DYNC2I1: variants seen among roughly 807,000 people sequenced by gnomAD.
DYNC2I1 encodes the protein cytoplasmic dynein 2 intermediate chain 1.
In DYNC2I1, 89 loss-of-function variants were observed where a neutral mutation model predicts 133.4. The observed-to-expected ratio is 0.67, with a 90% CI of 0.56 to 0.80. The LOEUF (loss-of-function observed/expected upper bound fraction) is 0.80. Ranked by LOEUF, DYNC2I1 falls within the 30% of genes least tolerant of loss-of-function variation. The pLI is 0.00. For missense variants in DYNC2I1, 1,291 were observed against 1,314.5 expected (o/e 0.98, Z 0.28); for synonymous variants, 504 against 484.3 (o/e 1.04, Z -0.54).
At chr7:158,877,525 T>A (rs1254354245) in intron 4 of DYNC2I1, among the ~76,000 whole-genome samples, 1 of 152,236 alleles carries the variant, frequency 6.6e-6, no homozygotes, top group East Asian at 1.9e-4. Flanking sequence ...AAGTTGTAAT[T>A]ATTTATATCA....
intron 14 of DYNC2I1, among the ~76,000 whole-genome samples, chr7:158,915,385 C>T (rs1563161696): frequency 1.3e-4 from 15 of 112,390 alleles, no homozygotes; most frequent in East Asian, 2.4e-4. Context: ...TGTGAAACGT[C>T]GACATGCTGG....
At chr7:158,920,794 T>A (rs1213321652) in intron 15 of DYNC2I1, among the ~76,000 whole-genome samples, 1 of 152,214 alleles carries the variant, frequency 6.6e-6, no homozygotes, top group Non-Finnish European at 1.5e-5. Flanking sequence ...ACCCTGCGAA[T>A]CCAGAATTTG....
chr7:158,916,895 CCT>C lies in DYNC2I1; in HGVS notation c.1792-1843_1792-1842del, dbSNP rs1848398371. On this transcript the variant is annotated intron_variant, in intron 14 of 24. Coordinates refer to ENST00000407559, the MANE Select transcript of DYNC2I1 (RefSeq NM_018051.5). The stretch of plus-strand genomic sequence containing the variant: ...GTTGACATTTAGGATGATTGTGAAA[CCT>C]CGACACGGTGGTTGAGATTAAGGAT... 2.6e-4 allele frequency among the ~76,000 whole-genome samples: 22 copies of C among 84,120 alleles called. No individual in the cohort carries two copies. In the South Asian group the frequency reaches 7.0e-3, roughly 27 times the overall value. 55.2% of individuals were successfully genotyped at this position (84,120 alleles called of 152,430 possible).
intron 16 of DYNC2I1, among the ~76,000 whole-genome samples, chr7:158,923,154 T>C (rs1208688146): frequency 6.6e-6 from 1 of 152,206 alleles, no homozygotes; most frequent in Non-Finnish European, 1.5e-5. Flanking sequence ...TTCCCTGGCC[T>C]CAAACCCATT....
chr7:158,907,515 T>A (rs1017602171), intron 11 of DYNC2I1, among the ~76,000 whole-genome samples: 1 of 152,112 alleles, frequency 6.6e-6, no homozygotes, highest in Non-Finnish European at 1.5e-5. Flanking sequence ...ACTAAGTAGA[T>A]GGGGGTCATT....
intron 23 of DYNC2I1, among the ~76,000 whole-genome samples, chr7:158,938,506 G>T (rs2467812): frequency 0.48 from 73,485 of 152,052 alleles, 18,344 homozygotes; most frequent in Non-Finnish European, 0.54. Flanking sequence ...GCCTGTAATC[G>T]CAGCACTTTG....
At position 158,891,336 on chromosome 7, in the gene DYNC2I1, A is replaced by G; in HGVS notation, c.1059+3A>G. ...GGCCGGGAGGCGAGGAAACCGTGGT[A>G]AGGAGAGTACGTCTTCTTATAGTTT... On this transcript the variant is annotated splice_donor_region_variant and intron_variant, in intron 8 of 24. Coordinates refer to ENST00000407559, the MANE Select transcript of DYNC2I1 (RefSeq NM_018051.5). 3 of 1,614,042 alleles carry G rather than the reference A, an allele frequency of 1.9e-6. No individual in the cohort carries two copies. Among genetic ancestry groups the G allele is most frequent in the Non-Finnish European group, 2.5e-6 (3 of 1,179,882 alleles).
Position 158,914,324 on chromosome 7 carries a change from A to G in DYNC2I1, c.1791+3A>G, listed in dbSNP as rs766102610. 6 of 1,608,024 alleles carry G rather than the reference A, an allele frequency of 3.7e-6. No individual in the cohort carries two copies. Among genetic ancestry groups the G allele is most frequent in the Non-Finnish European group, 5.1e-6 (6 of 1,176,680 alleles). On this transcript the variant is annotated splice_donor_region_variant and intron_variant, in intron 14 of 24. Coordinates refer to ENST00000407559, the MANE Select transcript of DYNC2I1 (RefSeq NM_018051.5). The stretch of plus-strand genomic sequence containing the variant: ...GCTTTCTGCGGGCTGCTTGTCAGGT[A>G]TACTCAACCTATATATGTTGTGTTC...
intron 3 of DYNC2I1, among the ~76,000 whole-genome samples, chr7:158,873,185 T>C (rs1271989431): frequency 1.3e-5 from 2 of 152,212 alleles, no homozygotes; most frequent in East Asian, 3.8e-4. Context: ...ATACTTTTTT[T>C]CCTCCCCAAA....
chr7:158,859,263 T>G (rs766996664), intron 1 of DYNC2I1, among the ~76,000 whole-genome samples: 2 of 151,920 alleles, frequency 1.3e-5, no homozygotes, highest in Non-Finnish European at 2.9e-5. Flanking sequence ...TGGCTTAGCA[T>G]AGAATTCTAG....
At chr7:158,875,655 C>T (rs755990029) in intron 3 of DYNC2I1, among the ~76,000 whole-genome samples, 6 of 152,108 alleles carry the variant, frequency 3.9e-5, no homozygotes, top group East Asian at 1.9e-4. Context: ...GGATGGATGC[C>T]GTAGTCTGGT....
Position 158,918,683 on chromosome 7 carries a change from G to T in DYNC2I1, c.1792-57G>T. The stretch of plus-strand genomic sequence containing the variant: ...TAAGATGAAAAGGTAATTTTTTTTT[G>T]GAAAAGATAATCCATTGTGAAGTTT... On this transcript the variant is annotated intron_variant, in intron 14 of 24. Transcript: ENST00000407559. 3 of 1,574,660 alleles carry T rather than the reference G, an allele frequency of 1.9e-6. No homozygotes were observed. The South Asian group carries it at 3.4e-5, about 18-fold the overall frequency.
In DYNC2I1 at chr7:158,915,500, G is replaced by A. The variant is rs796490093; in HGVS notation, c.1791+1179G>A. Among the ~76,000 whole-genome samples the A allele has an allele frequency of 2.2e-3, 336 of 149,528 alleles. 1 individual carries two copies. In the East Asian group the frequency reaches 0.052, roughly 23 times the overall value. On this transcript the variant is annotated intron_variant, in intron 14 of 24. Transcript: ENST00000407559. ...ACATTAAGGATGATTGTGAAACCTC[G>A]ACACGGTGGTTGAGATAAAGGATGA... is the stretch of plus-strand genomic sequence containing the variant.
At chr7:158,899,198 A>T (rs987981359) in intron 8 of DYNC2I1, among the ~76,000 whole-genome samples, 4 of 152,212 alleles carry the variant, frequency 2.6e-5, no homozygotes, top group Non-Finnish European at 4.4e-5. Flanking sequence ...CTATGTAAAT[A>T]GTTGTTATAC....
chr7:158,936,881 C>T (rs1483818486), intron 23 of DYNC2I1, among the ~76,000 whole-genome samples: 1 of 152,210 alleles, frequency 6.6e-6, no homozygotes, highest in Non-Finnish European at 1.5e-5. Context: ...AGGCAGCAAC[C>T]TAGCAGAGAA....
rs1425382060 is a variant in DYNC2I1, at chr7:158,945,744, G to A, written c.3166G>A (p.Glu1056Lys). The change falls in exon 25 of 25, where the codon GAA (glutamate) becomes AAA (lysine). Residue 1056 changes from glutamate to lysine, a missense_variant. Physicochemically the swap from Glu to Lys is moderately conservative, Grantham distance 56. Transcript: ENST00000407559. The surrounding 1 kb of genome is among the most constrained non-coding windows in gnomAD (Gnocchi z 4.1). Reference protein sequence around the residue: ...ECNRLRLLLQEALWPEGKLHK With the variant: ...ECNRLRLLLQKALWPEGKLHK ...CAACAGGCTGCGTCTGCTTTTGCAG[G>A]AAGCCCTGTGGCCAGAGGGAAAACT... 1.9e-6 allele frequency: 3 copies of A among 1,595,722 alleles called. No individual in the cohort carries two copies. Among genetic ancestry groups the A allele is most frequent in the Middle Eastern group, 3.4e-4 (2 of 5,970 alleles).
intron 4 of DYNC2I1, among the ~76,000 whole-genome samples, chr7:158,878,899 CA>C (rs1843697840): frequency 8.2e-6 from 1 of 122,016 alleles, no homozygotes; most frequent in Admixed American, 8.5e-5. Flanking sequence ...GTGGGGAGGC[CA>C]GGAGGGCCGA....
chr7:158,855,947 T>C (rs1841201844), upstream of DYNC2I1, among the ~76,000 whole-genome samples: 1 of 146,802 alleles, frequency 6.8e-6, no homozygotes, highest in African/African-American at 2.5e-5. Flanking sequence ...TTCTTTTTTT[T>C]TTTTTTTTTT....
At chr7:158,851,402 G>A in the DYNC2I1 span, among the ~76,000 whole-genome samples, 7 of 133,878 alleles carry the variant, frequency 5.2e-5, no homozygotes, top group Non-Finnish European at 9.1e-5. Flanking sequence ...GTGTGGTGGT[G>A]GCTGGTGCCT....
Sources: allele counts gnomAD v4.1 joint callset (sites outside exome capture counted in the v4.1 genomes callset), GRCh38; gene constraint gnomAD v4.1.1; non-coding constraint Gnocchi (gnomAD v3.1); transcripts MANE v1.5; gene names NCBI Gene and HGNC (gene_info 2026-07-23, HGNC 2026-07-21).